The following ESRRG variants were observed in gnomAD, a reference collection of about 807,000 sequenced individuals.
The protein encoded by ESRRG is estrogen-related receptor gamma.
In ESRRG, 13 loss-of-function variants were observed where a neutral mutation model predicts 44.0. The observed-to-expected ratio is 0.30, with a 90% confidence interval of 0.19 to 0.47. The LOEUF (loss-of-function observed/expected upper bound fraction) is 0.47, where lower values mean the gene tolerates loss of function less well. Among genes scored for constraint, ESRRG ranks in the 20% least tolerant of loss-of-function variants. The pLI, the probability that ESRRG is intolerant of heterozygous loss-of-function variation, is 1.00. For missense variants in ESRRG, 395 were observed against 580.6 expected, an observed-to-expected ratio of 0.68 and a Z score of 3.29; for synonymous variants, 215 against 214.6, an observed-to-expected ratio of 1.00 and a Z score of -0.02.
intron 4 of ESRRG, among the ~76,000 whole-genome samples, chr1:216,564,745 TAA>T (rs2059385854): frequency 6.6e-6 from 1 of 152,120 alleles, no homozygotes; most frequent in South Asian, 2.1e-4. Flanking sequence ...TTAAATGGTA[TAA>T]AATAGCTTAA....
At position 217,035,319 on chromosome 1, in the gene ESRRG, C is replaced by CAAAAAAAA. The variant is rs397709457; in HGVS notation, c.-106+54180_-106+54187dup. Among the ~76,000 whole-genome samples the CAAAAAAAA allele has an allele frequency of 2.7e-5, 2 of 75,178 alleles. 1 individual carries two copies. 49.3% of individuals were successfully genotyped at this position (75,178 alleles called of 152,430 possible). A position where few individuals can be genotyped will look rare whatever the true frequency, so the allele number is the denominator to read the frequency against. On this transcript the variant is annotated intron_variant, in intron 1 of 7. Coordinates refer to the ESRRG transcript ENST00000359162. ...TGGGCAGCCTAGCGAGACTCTGTCT[C>CAAAAAAAA]AAAAAAAAAAAAAAAAAAAAAAGTG...
At chr1:216,794,060 A>G (rs1247141992) in intron 2 of ESRRG, among the ~76,000 whole-genome samples, 1 of 151,896 alleles carries the variant, frequency 6.6e-6, no homozygotes, top group Non-Finnish European at 1.5e-5. Flanking sequence ...AATTTTTTAA[A>G]TGCTCCTACC....
At chr1:217,114,179 A>T (rs1023390747) in intron 1 of ESRRG, among the ~76,000 whole-genome samples, 1 of 152,094 alleles carries the variant, frequency 6.6e-6, no homozygotes, top group Non-Finnish European at 1.5e-5. Context: ...AGTATTAGGT[A>T]GAAGAAAATA....
intron 5 of ESRRG, among the ~76,000 whole-genome samples, chr1:216,542,072 CAGAGAGAGAGAGAGAG>C (rs3040899): frequency 1.4e-5 from 2 of 139,846 alleles, no homozygotes; most frequent in Non-Finnish European, 3.2e-5. Context: ...GTGTCTATGA[CAGAGAGAGAGAGAGAG>C]AGAGAGAGAG....
intron 1 of ESRRG, among the ~76,000 whole-genome samples, chr1:217,109,175 T>G (rs1000415278): frequency 1.3e-5 from 2 of 152,014 alleles, no homozygotes; most frequent in African/African-American, 4.8e-5. Context: ...ACCAAGATGC[T>G]CAGGTATAAA....
chr1:216,754,474 G>A (rs902374741), intron 2 of ESRRG, among the ~76,000 whole-genome samples: 1 of 151,880 alleles, frequency 6.6e-6, no homozygotes, highest in African/African-American at 2.4e-5. Context: ...ATCCTTTTGG[G>A]AGCATCTTTC....
chr1:217,093,532 C>T (rs1193472110), upstream of ESRRG, among the ~76,000 whole-genome samples: 1 of 152,070 alleles, frequency 6.6e-6, no homozygotes, highest in African/African-American at 2.4e-5. Flanking sequence ...CCTGTAATCC[C>T]AGCACTTCAG....
At chr1:217,034,720 G>A (rs1179839797) in intron 1 of ESRRG, among the ~76,000 whole-genome samples, 1 of 152,160 alleles carries the variant, frequency 6.6e-6, no homozygotes, top group African/African-American at 2.4e-5. Flanking sequence ...GTTGGTCCAC[G>A]CTCCTGCTCC....
chr1:216,542,927 T>TC (rs1164209539), intron 5 of ESRRG, among the ~76,000 whole-genome samples: 3 of 151,832 alleles, frequency 2.0e-5, no homozygotes, highest in Non-Finnish European at 2.9e-5. Flanking sequence ...ATCTCCCCCT[T>TC]CCCCCCAAGC....
chr1:216,621,837 A>G (rs1396438652), intron 3 of ESRRG, among the ~76,000 whole-genome samples: 1 of 152,190 alleles, frequency 6.6e-6, no homozygotes, highest in East Asian at 1.9e-4. Context: ...ATTCTGCCTT[A>G]GGAATGTTTC....
intron 3 of ESRRG, among the ~76,000 whole-genome samples, chr1:216,607,347 T>C (rs144557070): frequency 5.8e-4 from 89 of 152,334 alleles, no homozygotes; most frequent in African/African-American, 2.1e-3. Flanking sequence ...ACATTTATTA[T>C]GTAGACAAGC....
intron 2 of ESRRG, among the ~76,000 whole-genome samples, chr1:216,866,561 CTTTCT>C (rs143976248): frequency 0.011 from 1,325 of 115,720 alleles, 16 homozygotes; most frequent in East Asian, 0.045. Flanking sequence ...TTGTTTCTTT[CTTTCT>C]TTTTTTTTTT....
intron 1 of ESRRG, among the ~76,000 whole-genome samples, chr1:217,085,481 A>ATTTTTTTTTTTTTTTTTTTTTTTTTTTTT (rs148354268): frequency 2.0e-5 from 1 of 49,128 alleles, no homozygotes; most frequent in Non-Finnish European, 3.3e-5. Flanking sequence ...TTTTCTTTTC[A>ATTTTTTTTTTTTTTTTTTTTTTTTTTTTT]TTTTTTTTTT....
intron 1 of ESRRG, among the ~76,000 whole-genome samples, chr1:216,987,604 G>A (rs1560376385): frequency 6.6e-6 from 1 of 152,196 alleles, no homozygotes. Context: ...AGAGTTTGAT[G>A]AAGTACTCAT....
In ESRRG at chr1:216,504,631, A is replaced by T. The variant is rs1343421066; in HGVS notation, c.*2308T>A. On this transcript the variant is annotated 3_prime_UTR_variant, in exon 7 of 7. Transcript: ENST00000408911. ...AATCTGCACCAAAAAGTTTTGCAAC[A>T]ACACAGAGCGAGTTAATAACAACAT... 6.6e-6 allele frequency: 1 copy of T among 152,650 alleles called. No homozygotes were observed. The highest frequency in any genetic ancestry group is 6.5e-5 in the Admixed American group (1 of 15,282). 9.5% of individuals were successfully genotyped at this position (152,650 alleles called of 1,614,324 possible).
intron 1 of ESRRG, among the ~76,000 whole-genome samples, chr1:216,687,043 GTGTC>G (rs1024811225): frequency 6.7e-6 from 1 of 149,196 alleles, no homozygotes; most frequent in Non-Finnish European, 1.5e-5. Context: ...GTGTGTGTGT[GTGTC>G]TGTGTGTGTG....
At chr1:216,665,059 T>C (rs897022134) in intron 2 of ESRRG, among the ~76,000 whole-genome samples, 9 of 152,210 alleles carry the variant, frequency 5.9e-5, no homozygotes, top group Admixed American at 3.9e-4. Context: ...ATTTGCGATT[T>C]CACTTTCAGC....
intron 1 of ESRRG, among the ~76,000 whole-genome samples, chr1:217,130,426 G>C (rs35778506): frequency 0.15 from 22,804 of 151,884 alleles, 2,243 homozygotes; most frequent in Non-Finnish European, 0.2. Flanking sequence ...TTTAGACAAG[G>C]GATCTTGCTA....
At chr1:216,809,605 T>G (rs937242461) in intron 2 of ESRRG, among the ~76,000 whole-genome samples, 10 of 152,170 alleles carry the variant, frequency 6.6e-5, no homozygotes, top group Admixed American at 1.3e-4. Context: ...TTGTTCTCCA[T>G]AAAACCTAAA....
Sources: gnomAD v4.1 joint callset for allele counts (sites outside exome capture counted in the v4.1 genomes callset) on GRCh38, gnomAD v4.1.1 for gene constraint, MANE v1.5 for transcripts, NCBI Gene and HGNC (gene_info 2026-07-23, HGNC 2026-07-21) for gene names.